FSTL5: variants seen among roughly 807,000 people sequenced by gnomAD.
FSTL5 encodes the protein follistatin-related protein 5.
In FSTL5, 62 loss-of-function variants were observed where a neutral mutation model predicts 89.1. The observed-to-expected ratio is 0.70, with a 90% CI of 0.57 to 0.86. The LOEUF is 0.86. Ranked by LOEUF, FSTL5 falls within the 40% of genes least tolerant of loss-of-function variation. The pLI is 0.00. For synonymous variants in FSTL5, 383 were observed against 346.2 expected (o/e 1.11, Z -1.18); for missense variants, 1,057 against 1,001.6 (o/e 1.06, Z -0.75).
chr4:161,699,353 T>C (rs890573146), intron 6 of FSTL5, among the ~76,000 whole-genome samples: 1 of 152,180 alleles, frequency 6.6e-6, no homozygotes, highest in African/African-American at 2.4e-5. Context: ...TATTCAACAT[T>C]TGCTGAACAT....
chr4:161,792,802 T>C (rs1729519839), intron 4 of FSTL5, among the ~76,000 whole-genome samples: 1 of 152,168 alleles, frequency 6.6e-6, no homozygotes, highest in Non-Finnish European at 1.5e-5. Context: ...CAGTTGTCCA[T>C]GTACCTTATT....
intron 2 of FSTL5, among the ~76,000 whole-genome samples, chr4:162,083,439 ACT>A (rs1274625042): frequency 2.6e-5 from 4 of 151,602 alleles, no homozygotes; most frequent in Admixed American, 1.3e-4. Context: ...TAAAATATTG[ACT>A]CTCTTTAAGA....
At chr4:162,023,957 A>G (rs1737188890) in intron 3 of FSTL5, among the ~76,000 whole-genome samples, 2 of 152,128 alleles carry the variant, frequency 1.3e-5, no homozygotes, top group South Asian at 2.1e-4. Context: ...CTGCTTGCAT[A>G]AATCTGATAA....
intron 3 of FSTL5, among the ~76,000 whole-genome samples, chr4:162,004,946 T>A (rs549616782): frequency 7.5e-4 from 114 of 152,268 alleles, no homozygotes; most frequent in African/African-American, 2.6e-3. Flanking sequence ...GGGAGGTTTT[T>A]CAAACCACGC....
intron 4 of FSTL5, among the ~76,000 whole-genome samples, chr4:161,795,926 G>A (rs1396224713): frequency 6.6e-6 from 1 of 151,756 alleles, no homozygotes; most frequent in Non-Finnish European, 1.5e-5. Context: ...GCTTTTGGGG[G>A]TCTTTTTTGG....
At chr4:161,755,515 A>G (rs559323655) in intron 6 of FSTL5, among the ~76,000 whole-genome samples, 1 of 152,184 alleles carries the variant, frequency 6.6e-6, no homozygotes, top group African/African-American at 2.4e-5. Flanking sequence ...CCAGAAAACA[A>G]TTAATGAATC....
chr4:161,682,701 C>T (rs1204484526), intron 6 of FSTL5, among the ~76,000 whole-genome samples: 1 of 152,032 alleles, frequency 6.6e-6, no homozygotes, highest in Non-Finnish European at 1.5e-5. Flanking sequence ...ACAATGCCTT[C>T]TTCGACCTGA....
At chr4:161,903,767 T>C (rs903317967) in intron 4 of FSTL5, among the ~76,000 whole-genome samples, 2 of 101,946 alleles carry the variant, frequency 2.0e-5, no homozygotes, top group African/African-American at 6.3e-5. Flanking sequence ...TCAAAGTACA[T>C]TTAGTGTTTT....
At chr4:161,858,574 A>C (rs2126887554) in intron 4 of FSTL5, among the ~76,000 whole-genome samples, 1 of 152,340 alleles carries the variant, frequency 6.6e-6, no homozygotes, top group East Asian at 1.9e-4. Context: ...ACTTTAGCTA[A>C]CCTCTTCTAA....
chr4:161,762,415 T>C (rs1740840402), intron 5 of FSTL5, among the ~76,000 whole-genome samples: 1 of 152,190 alleles, frequency 6.6e-6, no homozygotes, highest in Non-Finnish European at 1.5e-5. Context: ...ACTTCTTTCA[T>C]TTAGTGTTTG....
chr4:161,695,051 T>C (rs1485813887), intron 6 of FSTL5, among the ~76,000 whole-genome samples: 1 of 152,102 alleles, frequency 6.6e-6, no homozygotes. Flanking sequence ...ATTTTTATTT[T>C]ATTTTTCTTT....
At chr4:162,111,681 T>A (rs1000149724) in intron 1 of FSTL5, among the ~76,000 whole-genome samples, 1 of 151,708 alleles carries the variant, frequency 6.6e-6, no homozygotes, top group Non-Finnish European at 1.5e-5. Flanking sequence ...AAAAAGTTAA[T>A]AAAAAAAGGT....
At chr4:162,033,313 T>C (rs1471170407) in intron 3 of FSTL5, among the ~76,000 whole-genome samples, 1 of 152,028 alleles carries the variant, frequency 6.6e-6, no homozygotes, top group Non-Finnish European at 1.5e-5. Flanking sequence ...TACATAGAAG[T>C]GACACAACAC....
At chr4:161,740,870 A>G (rs534962777) in intron 6 of FSTL5, among the ~76,000 whole-genome samples, 7 of 152,302 alleles carry the variant, frequency 4.6e-5, no homozygotes, top group African/African-American at 1.4e-4. Flanking sequence ...GGAGGCTGCA[A>G]ATTCCAAGAT....
chr4:161,535,690 A>C (rs1445466740), intron 10 of FSTL5, among the ~76,000 whole-genome samples: 1 of 152,122 alleles, frequency 6.6e-6, no homozygotes, highest in African/African-American at 2.4e-5. Flanking sequence ...TTTCTCAAAG[A>C]ACTTAAAACA....
intron 4 of FSTL5, among the ~76,000 whole-genome samples, chr4:161,888,270 G>T (rs1732878153): frequency 6.6e-6 from 1 of 152,130 alleles, no homozygotes; most frequent in Non-Finnish European, 1.5e-5. Context: ...GTTCATAAAA[G>T]CCTTGTAGGA....
chr4:161,607,842 CTTTA>C (rs1246976016), intron 7 of FSTL5, among the ~76,000 whole-genome samples: 5 of 152,082 alleles, frequency 3.3e-5, no homozygotes, highest in African/African-American at 9.7e-5. Flanking sequence ...TTTTCCTATT[CTTTA>C]TTTATGTTTC....
intron 4 of FSTL5, among the ~76,000 whole-genome samples, chr4:161,873,921 T>C (rs536966437): frequency 2.0e-5 from 3 of 152,228 alleles, no homozygotes; most frequent in East Asian, 3.9e-4. Context: ...GACTGTATTG[T>C]AGTTTGTCTT....
At chr4:161,550,561 A>T (rs1403963594) in intron 8 of FSTL5, among the ~76,000 whole-genome samples, 15 of 18,280 alleles carry the variant, frequency 8.2e-4, no homozygotes, top group African/African-American at 2.6e-3. Context: ...CTTCTTTTTT[A>T]TTTATTTATT....
Sources: gnomAD v4.1 joint callset for allele counts (sites outside exome capture counted in the v4.1 genomes callset) on GRCh38, gnomAD v4.1.1 for gene constraint, MANE v1.5 for transcripts, NCBI Gene and HGNC (gene_info 2026-07-23, HGNC 2026-07-21) for gene names.